Variants in DOCK10 observed in about 807,000 individuals in gnomAD.
DOCK10 encodes dedicator of cytokinesis protein 10.
DOCK10 carries 145 observed loss-of-function variants against 280.1 expected under a neutral mutation model. The observed-to-expected ratio is 0.52, with a 90% confidence interval of 0.45 to 0.59. The LOEUF (loss-of-function observed/expected upper bound fraction) is 0.59, where lower values mean the gene tolerates loss of function less well. Ranked by LOEUF, DOCK10 falls within the 20% of genes least tolerant of loss-of-function variation. The pLI is 0.00. For missense variants in DOCK10, 2,368 were observed against 2,651.7 expected, an observed-to-expected ratio of 0.89 and a Z score of 2.35; for synonymous variants, 915 against 942.2, an observed-to-expected ratio of 0.97 and a Z score of 0.53.
At position 225,014,081 on chromosome 2, in the gene DOCK10, A is replaced by ATATATTTTTTTTTTTTT. The variant is rs776104946; in HGVS notation, c.123+28170_123+28171insAAAAAAAAAAAAATATA. 3.1e-5 allele frequency among the ~76,000 whole-genome samples: 3 copies of ATATATTTTTTTTTTTTT among 96,800 alleles called. 1 individual carries two copies. Among genetic ancestry groups the ATATATTTTTTTTTTTTT allele is most frequent in the Non-Finnish European group, 1.9e-5 (1 of 51,486 alleles). 63.5% of individuals were successfully genotyped at this position (96,800 alleles called of 152,430 possible). Reference sequence around the variant, plus strand: ...AAAAAATCCCCAGAAGTCTGAATATATTGTTTTTTTTTTTTTGTTTTTTTT... The same window carrying ATATATTTTTTTTTTTTT: ...AAAAAATCCCCAGAAGTCTGAATATATATATTTTTTTTTTTTTTTGTTTTTTTTTTTTTGTTTTTTTT... On this transcript the variant is annotated intron_variant, in intron 1 of 55. Coordinates refer to ENST00000258390, the MANE Select transcript of DOCK10 (RefSeq NM_014689.3).
At chr2:224,961,412 C>CTCTTTCTTTCTTTCTTTCTTTCTTTT (rs1704392486) in intron 1 of DOCK10, among the ~76,000 whole-genome samples, 1 of 119,382 alleles carries the variant, frequency 8.4e-6, no homozygotes, top group Non-Finnish European at 1.7e-5. Flanking sequence ...TTCTTTCTTT[C>CTCTTTCTTTCTTTCTTTCTTTCTTTT]TCTTTCTTTC....
At chr2:224,806,798 T>TG (rs917229679) in intron 33 of DOCK10, among the ~76,000 whole-genome samples, 21 of 152,106 alleles carry the variant, frequency 1.4e-4, no homozygotes, top group Admixed American at 1.4e-3. Context: ...TTTGTACAGG[T>TG]GGGGTCTTGC....
chr2:224,998,393 G>A (rs1216926432), intron 1 of DOCK10, among the ~76,000 whole-genome samples: 1 of 152,064 alleles, frequency 6.6e-6, no homozygotes, highest in African/African-American at 2.4e-5. Context: ...GGTATTATTT[G>A]TATTCTTCTT....
chr2:224,966,056 C>T (rs1704722716), intron 1 of DOCK10, among the ~76,000 whole-genome samples: 1 of 152,184 alleles, frequency 6.6e-6, no homozygotes, highest in African/African-American at 2.4e-5. Flanking sequence ...CTATCTATAG[C>T]AGAATGGAAC....
At chr2:225,031,086 G>A (rs1271756187) in intron 1 of DOCK10, among the ~76,000 whole-genome samples, 1 of 152,158 alleles carries the variant, frequency 6.6e-6, no homozygotes, top group Non-Finnish European at 1.5e-5. Context: ...TATAACCACA[G>A]TCTTGGTCTT....
At chr2:224,971,855 T>C (rs527653591) in intron 1 of DOCK10, among the ~76,000 whole-genome samples, 15 of 152,190 alleles carry the variant, frequency 9.9e-5, no homozygotes, top group Non-Finnish European at 1.9e-4. Flanking sequence ...TTTTGAAGAT[T>C]TGGCGTGAAA....
At chr2:224,882,343 C>T (rs1247656736) in intron 7 of DOCK10, among the ~76,000 whole-genome samples, 2 of 151,888 alleles carry the variant, frequency 1.3e-5, no homozygotes, top group African/African-American at 2.4e-5. Flanking sequence ...GAGCATAGGC[C>T]CATAAAAAAT....
At chr2:224,863,191 C>CT (rs1409284273) in intron 13 of DOCK10, among the ~76,000 whole-genome samples, 1 of 152,170 alleles carries the variant, frequency 6.6e-6, no homozygotes, top group African/African-American at 2.4e-5. Context: ...GTTTTCAACT[C>CT]TGTTTCTGTA....
In DOCK10 at chr2:224,960,374, A is replaced by G. The variant is rs148905957; in HGVS notation, c.124-28706T>C. Among the ~76,000 whole-genome samples, 9 of 152,298 alleles carry G rather than the reference A, an allele frequency of 5.9e-5. No homozygotes were observed. The East Asian group carries it at 1.7e-3, about 29-fold the overall frequency. On this transcript the variant is annotated intron_variant, in intron 1 of 55. Transcript: ENST00000258390. ...AACCATATGTTTATTTACACTGTAA[A>G]TGGGTACAGACATTGTGCTAAGTAT...
Position 224,834,088 on chromosome 2 carries a change from C to T in DOCK10, c.2964+62G>A, listed in dbSNP as rs1695433761. ...GAAAATCCATGACTCCTATCATTTT[C>T]CAGGAGTAAGCGTGACCCATGCCTA... is the stretch of plus-strand genomic sequence containing the variant. On this transcript the variant is annotated intron_variant, in intron 26 of 55. Transcript: ENST00000258390. The T allele has an allele frequency of 9.5e-6, 9 of 942,548 alleles. 1 individual carries two copies. The South Asian group carries it at 1.3e-4, about 13-fold the overall frequency. 58.4% of individuals were successfully genotyped at this position (942,548 alleles called of 1,614,324 possible). A position where few individuals can be genotyped will look rare whatever the true frequency, so the allele number is the denominator to read the frequency against.
chr2:224,963,547 TA>T (rs1159257555), intron 1 of DOCK10, among the ~76,000 whole-genome samples: 1 of 152,210 alleles, frequency 6.6e-6, no homozygotes, highest in Non-Finnish European at 1.5e-5. Flanking sequence ...ATTTCTTCTT[TA>T]ATTTAAAAGA....
intron 1 of DOCK10, among the ~76,000 whole-genome samples, chr2:225,010,903 C>T (rs1689415842): frequency 6.6e-6 from 1 of 152,162 alleles, no homozygotes; most frequent in African/African-American, 2.4e-5. Flanking sequence ...CCATCATCTT[C>T]ATGGTTCTAA....
chr2:224,996,396 T>C (rs919393723), intron 1 of DOCK10, among the ~76,000 whole-genome samples: 2 of 152,232 alleles, frequency 1.3e-5, no homozygotes, highest in African/African-American at 4.8e-5. Flanking sequence ...GGCTCAGCCA[T>C]TTATCAGCTG....
intron 47 of DOCK10, 123 bp downstream of exon 47, chr2:224,792,851 T>C (rs925694505): frequency 1.5e-5 from 10 of 679,468 alleles, no homozygotes; most frequent in Admixed American, 1.1e-4. Flanking sequence ...GCAGAGTAAG[T>C]TGGGTAGATC....
chr2:224,847,582 A>G (rs1559550473), intron 19 of DOCK10, among the ~76,000 whole-genome samples: 1 of 152,252 alleles, frequency 6.6e-6, no homozygotes, highest in Non-Finnish European at 1.5e-5. Flanking sequence ...AAAATCATAT[A>G]TCTACAGAAA....
intron 11 of DOCK10, 29 bp from the exon 12 acceptor site, chr2:224,865,116 T>A (rs368605592): frequency 1.0e-4 from 163 of 1,601,868 alleles, no homozygotes; most frequent in Non-Finnish European, 1.4e-4. Flanking sequence ...ACAGATGTTT[T>A]TGATATAAAA....
In DOCK10 at chr2:224,778,298, T is replaced by G; in HGVS notation, c.5656-14A>C. ...TTCAAAAAAGCCCTATGGAACATAA[T>G]GAACCACCAATTTTATTAGACAATG... On this transcript the variant is annotated splice_polypyrimidine_tract_variant and intron_variant, in intron 50 of 55. Coordinates refer to ENST00000258390, the MANE Select transcript of DOCK10 (RefSeq NM_014689.3). The G allele has an allele frequency of 6.3e-7, 1 of 1,591,654 alleles. No homozygotes were observed. The highest frequency in any genetic ancestry group is 8.6e-7 in the Non-Finnish European group (1 of 1,167,478).
At position 224,805,239 on chromosome 2, in the gene DOCK10, A is replaced by T. The variant is rs1693318036; in HGVS notation, c.4018T>A (p.Cys1340Ser). 1.2e-6 allele frequency: 2 copies of T among 1,612,458 alleles called. No individual in the cohort carries two copies. Among genetic ancestry groups the T allele is most frequent in the Non-Finnish European group, 1.7e-6 (2 of 1,179,218 alleles). The change falls in exon 36 of 56, where the codon TGT becomes AGT. Residue 1340 changes from cysteine (C) to serine (S), a missense_variant. By Grantham distance (112) the Cys-to-Ser change is moderately radical. Transcript: ENST00000258390. This position sits in a 1 kb window ranked among gnomAD's most constrained non-coding sequence, Gnocchi z 4.3. ...ATCGTTTTCATAATGTGAAGAAAAC[A>T]CATCAGGAGACTCCTGGTTTCTGCT... ...DQAETRSLLM[C>S]FLHIMKTISY...
At position 224,982,916 on chromosome 2, in the gene DOCK10, G is replaced by T. The variant is rs149892127; in HGVS notation, c.124-51248C>A. On this transcript the variant is annotated intron_variant, in intron 1 of 55. Transcript: ENST00000258390. ...TTCCAGAAATGAAACTGGCTTATCTGAAACATAGAGTTCACTAGATCAAGA... is the reference window on the plus strand; with the variant it reads ...TTCCAGAAATGAAACTGGCTTATCTTAAACATAGAGTTCACTAGATCAAGA... Among the ~76,000 whole-genome samples the T allele has an allele frequency of 2.7e-3, 407 of 152,152 alleles. 2 individuals carry two copies. The highest frequency in any genetic ancestry group is 9.5e-3 in the African/African-American group (393 of 41,502).
Sources: gnomAD v4.1 joint callset for allele counts (sites outside exome capture counted in the v4.1 genomes callset) on GRCh38, gnomAD v4.1.1 for gene constraint, Gnocchi (gnomAD v3.1) non-coding constraint, MANE v1.5 for transcripts, NCBI Gene and HGNC (gene_info 2026-07-23, HGNC 2026-07-21) for gene names.